Variants in KLF5 observed in about 807,000 individuals in gnomAD.
The protein encoded by KLF5 is Krueppel-like factor 5.
Under a neutral mutation model 36.9 loss-of-function variants are expected in KLF5, and 9 were observed. That is an observed-to-expected ratio of 0.24 (90% CI 0.15 to 0.43). The LOEUF is 0.43. Among genes scored for constraint, KLF5 ranks in the 20% least tolerant of loss-of-function variants. The pLI, the probability that KLF5 is intolerant of heterozygous loss-of-function variation, is 1.00. For synonymous variants in KLF5, 246 were observed against 241.7 expected (o/e 1.02, Z -0.17); for missense variants, 524 against 599.5 (o/e 0.87, Z 1.31).
At position 73,069,503 on chromosome 13, in the gene KLF5, A is replaced by AT. The variant is rs916604485; in HGVS notation, c.1195+5629dup. Reference sequence around the variant, plus strand: ...TTAAACATTCTTTTCATTCTTTTCCATTTTTTTTTCATTTGCAGCTTTGAA... The same window carrying AT: ...TTAAACATTCTTTTCATTCTTTTCCATTTTTTTTTTCATTTGCAGCTTTGAA... On this transcript the variant is annotated intron_variant, in intron 3 of 3. Transcript: ENST00000377687. Among the ~76,000 whole-genome samples the AT allele has an allele frequency of 1.8e-3, 265 of 148,506 alleles. 1 individual carries two copies. Among genetic ancestry groups the AT allele is most frequent in the African/African-American group, 5.8e-3 (235 of 40,304 alleles).
chr13:73,059,613 C>T (rs746818888), intron 1 of KLF5, 25 bp downstream of exon 1: 6 of 1,144,870 alleles, frequency 5.2e-6, no homozygotes, highest in Non-Finnish European at 6.4e-6. Context: ...TCCCCTCCCA[C>T]CGCAGCACTC....
intron 2 of KLF5, 130 bp from the exon 3 acceptor site, chr13:73,063,694 C>T: frequency 1.5e-6 from 1 of 646,506 alleles, no homozygotes; most frequent in South Asian, 2.1e-5. Flanking sequence ...ACTTTTAAAA[C>T]TGAAGCTTCA....
chr13:73,062,483 A>C lies in KLF5; in HGVS notation c.884A>C (p.Gln295Pro), dbSNP rs200195855. Reference protein sequence around the residue: ...TYTMPSQFLPQQATYFPPSPP... With the variant: ...TYTMPSQFLPPQATYFPPSPP... ...ACAATGCCAAGTCAGTTTCTTCCAC[A>C]ACAGGCCACTTACTTTCCCCCGTCA... Residue 295 changes from glutamine (Q) to proline (P), a missense_variant, in exon 2 of 4, where the codon CAA becomes CCA. By Grantham distance (76) the Gln-to-Pro change is moderately conservative. Transcript: ENST00000377687. The C allele has an allele frequency of 2.8e-4, 457 of 1,614,034 alleles. No homozygotes were observed. The highest frequency in any genetic ancestry group is 3.5e-4 in the Non-Finnish European group (418 of 1,180,034).
At position 73,059,416 on chromosome 13, in the gene KLF5, T is replaced by C. The variant is rs573738858; in HGVS notation, c.89T>C (p.Leu30Pro). Residue 30 changes from leucine to proline, a missense_variant, in exon 1 of 4, where the codon CTC (leucine) becomes CCC (proline). Physicochemically the swap from Leu to Pro is moderately conservative, Grantham distance 98 (BLOSUM62 -3). Around this residue, in one of 4 missense-constraint regions of KLF5, gnomAD observed 454 missense variants for 458.1 expected, o/e 0.99. Transcript: ENST00000377687. ...APQDEPVFAQ[L>P]KPVLGAANPA... ...CAGGACGAGCCGGTGTTCGCGCAGC[T>C]CAAGCCGGTGCTGGGCGCCGCGAAT... 1.5e-6 allele frequency: 2 copies of C among 1,366,052 alleles called. No homozygotes were observed. Among genetic ancestry groups the C allele is most frequent in the Non-Finnish European group, 1.9e-6 (2 of 1,060,134 alleles). The allele number at this position is 1,366,052 out of a possible 1,614,324, so 84.6% of individuals were successfully genotyped here.
Position 73,062,411 on chromosome 13 carries a change from C to A in KLF5, c.812C>A (p.Pro271Gln). 2 of 1,614,160 alleles carry A rather than the reference C, an allele frequency of 1.2e-6. No homozygotes were observed. Among genetic ancestry groups the A allele is most frequent in the Non-Finnish European group, 1.7e-6 (2 of 1,180,004 alleles). ...AGLNTHTSAVPQTAVKQFQGM... is the reference protein window; with the variant it reads ...AGLNTHTSAVQQTAVKQFQGM... ...CTTAACACACACACCTCTGCTGTTC[C>A]GCAGACTGCAGTGAAACAATTCCAG... Residue 271 changes from proline (P) to glutamine (Q), a missense_variant, in exon 2 of 4, where the codon CCG (proline) becomes CAG (glutamine). Pro to Gln is a moderately conservative substitution (Grantham distance 76, BLOSUM62 -1). Around this residue, in one of 4 missense-constraint regions of KLF5, gnomAD observed 454 missense variants for 458.1 expected, o/e 0.99. Transcript: ENST00000377687.
At position 73,059,204 on chromosome 13, in the gene KLF5, G is replaced by GCA. The variant is rs2044608661; in HGVS notation, c.-124_-123insCA. 1 of 909,804 alleles carries GCA rather than the reference G, an allele frequency of 1.1e-6. No homozygotes were observed. The highest frequency in any genetic ancestry group is 1.7e-5 in the African/African-American group (1 of 57,714). 56.4% of individuals were successfully genotyped at this position (909,804 alleles called of 1,614,324 possible). A position where few individuals can be genotyped will look rare whatever the true frequency, so the allele number is the denominator to read the frequency against. ...TCGAAAACTGCCTGCCGCTGTCTGAGGAGTCCACCCGAAACCTCCCCTCCT... is the reference window on the plus strand; with the variant it reads ...TCGAAAACTGCCTGCCGCTGTCTGAGCAGAGTCCACCCGAAACCTCCCCTCCT... On this transcript the variant is annotated 5_prime_UTR_variant, in exon 1 of 4. Coordinates refer to ENST00000377687, the MANE Select transcript of KLF5 (RefSeq NM_001730.5).
intron 3 of KLF5, among the ~76,000 whole-genome samples, chr13:73,070,205 T>C (rs2044712691): frequency 6.6e-6 from 1 of 152,208 alleles, no homozygotes; most frequent in Non-Finnish European, 1.5e-5. Flanking sequence ...AAATTTATTT[T>C]TGGCTACTTT....
chr13:73,077,503 A>C lies in KLF5; in HGVS notation c.*1617A>C, dbSNP rs574134319. On this transcript the variant is annotated 3_prime_UTR_variant, in exon 4 of 4. Transcript: ENST00000377687. ...AATGAGATGTTTATATATTAACGAC[A>C]ATTTTTTTTTTGGAAAATAAAAAGT... The C allele has an allele frequency of 1.3e-5, 2 of 152,588 alleles. No homozygotes were observed. The highest frequency in any genetic ancestry group is 1.3e-4 in the Admixed American group (2 of 15,270). The allele number at this position is 152,588 out of a possible 1,614,324, so 9.5% of individuals were successfully genotyped here.
Position 73,059,068 on chromosome 13 carries a change from C to T in KLF5, c.-260C>T, listed in dbSNP as rs948600127. 1.5e-5 allele frequency: 5 copies of T among 335,450 alleles called. No individual in the cohort carries two copies. Among genetic ancestry groups the T allele is most frequent in the East Asian group, 9.0e-5 (2 of 22,204 alleles). The allele number at this position is 335,450 out of a possible 1,614,324, so 20.8% of individuals were successfully genotyped here. A position where few individuals can be genotyped will look rare whatever the true frequency, so the allele number is the denominator to read the frequency against. On this transcript the variant is annotated 5_prime_UTR_variant, in exon 1 of 4. Coordinates refer to ENST00000377687, the MANE Select transcript of KLF5 (RefSeq NM_001730.5). ...GGAGGTCGGCGGTGGCGGGAGCGGGCTCCGGAGAGCCTGAGAGCACGGTGG... is the reference window on the plus strand; with the variant it reads ...GGAGGTCGGCGGTGGCGGGAGCGGGTTCCGGAGAGCCTGAGAGCACGGTGG...
At chr13:73,062,874 T>TA (rs374320358) in intron 2 of KLF5, 140 bp downstream of exon 2, 17,185 of 473,592 alleles carry the variant, frequency 0.036, 1 homozygote, top group East Asian at 0.055. Context: ...TACTTGACAG[T>TA]AAAAAAAAAA....
chr13:73,061,037 TTG>T (rs2044631236), intron 1 of KLF5, among the ~76,000 whole-genome samples: 24 of 152,132 alleles, frequency 1.6e-4, no homozygotes, highest in Admixed American at 1.5e-3. Context: ...GATAAATGTT[TTG>T]CTGATGACTG....
intron 2 of KLF5, 141 bp downstream of exon 2, chr13:73,062,875 A>G (rs769698743): frequency 1.3e-5 from 2 of 150,974 alleles, no homozygotes; most frequent in Non-Finnish European, 2.7e-5. Context: ...ACTTGACAGT[A>G]AAAAAAAAAA....
intron 3 of KLF5, among the ~76,000 whole-genome samples, chr13:73,070,006 C>T (rs941958836): frequency 2.0e-5 from 3 of 152,090 alleles, no homozygotes; most frequent in African/African-American, 7.2e-5. Context: ...TGGCCTACAT[C>T]GTTTCTAGTG....
intron 3 of KLF5, among the ~76,000 whole-genome samples, chr13:73,070,527 C>G (rs773202612): frequency 6.6e-6 from 1 of 151,988 alleles, no homozygotes; most frequent in African/African-American, 2.4e-5. Context: ...TACTGGGAAC[C>G]CAGAGGAGAA....
Position 73,063,989 on chromosome 13 carries a change from T to G in KLF5, c.1195+106T>G, listed in dbSNP as rs1434067359. 3 of 603,824 alleles carry G rather than the reference T, an allele frequency of 5.0e-6. No homozygotes were observed. In the African/African-American group the frequency reaches 5.9e-5, roughly 12 times the overall value. 37.4% of individuals were successfully genotyped at this position (603,824 alleles called of 1,614,324 possible). On this transcript the variant is annotated intron_variant, in intron 3 of 3. Transcript: ENST00000377687. Reference sequence around the variant, plus strand: ...TGATCTCTTCTCCTGTCAACTTTGTTTTTTTTTTTTTTTTTAAATAGCCTA... The same window carrying G: ...TGATCTCTTCTCCTGTCAACTTTGTGTTTTTTTTTTTTTTTAAATAGCCTA...
intron 3 of KLF5, among the ~76,000 whole-genome samples, chr13:73,071,955 CATG>C (rs749606338): frequency 6.6e-6 from 1 of 152,212 alleles, no homozygotes; most frequent in Non-Finnish European, 1.5e-5. Flanking sequence ...CTTTAATTCT[CATG>C]ATATTTTAGC....
intron 3 of KLF5, among the ~76,000 whole-genome samples, chr13:73,073,054 G>A (rs1402361739): frequency 6.6e-6 from 1 of 152,190 alleles, no homozygotes; most frequent in Non-Finnish European, 1.5e-5. Flanking sequence ...TAAATTGGTG[G>A]TATTGGAAAG....
Position 73,076,889 on chromosome 13 carries a change from A to G in KLF5, c.*1003A>G, listed in dbSNP as rs2044765989. 1 of 152,278 alleles carries G rather than the reference A, an allele frequency of 6.6e-6. No individual in the cohort carries two copies. The highest frequency in any genetic ancestry group is 1.5e-5 in the Non-Finnish European group (1 of 68,042). The allele number at this position is 152,278 out of a possible 1,614,324, so 9.4% of individuals were successfully genotyped here. On this transcript the variant is annotated 3_prime_UTR_variant, in exon 4 of 4. Coordinates refer to ENST00000377687, the MANE Select transcript of KLF5 (RefSeq NM_001730.5). ...CATATATCGAGATGTTCGCTCGTGCAGTACTGTTGGTTAAATGACAATTTA... is the reference window on the plus strand; with the variant it reads ...CATATATCGAGATGTTCGCTCGTGCGGTACTGTTGGTTAAATGACAATTTA...
At chr13:73,062,799 G>C (rs768737955) in intron 2 of KLF5, 65 bp downstream of exon 2, 4 of 1,409,070 alleles carry the variant, frequency 2.8e-6, no homozygotes, top group Non-Finnish European at 3.9e-6. Context: ...GTCTGTGTGC[G>C]CGCGCGTGTG....
Sources: gnomAD v4.1 joint callset for allele counts (sites outside exome capture counted in the v4.1 genomes callset) on GRCh38, gnomAD v4.1.1 for gene constraint, gnomAD v4.1.1 regional missense constraint, MANE v1.5 for transcripts, NCBI Gene and HGNC (gene_info 2026-07-23, HGNC 2026-07-21) for gene names.